The following VCP variants were observed in gnomAD, a reference collection of about 807,000 sequenced individuals.
VCP encodes valosin containing protein, also known as transitional endoplasmic reticulum ATPase.
In VCP, 6 loss-of-function variants were observed where a neutral mutation model predicts 85.7. The ratio of observed to expected loss-of-function variants is 0.07; its 90% CI spans 0.04 to 0.14. The LOEUF (loss-of-function observed/expected upper bound fraction) is 0.14, where lower values mean the gene tolerates loss of function less well. VCP is among the 10% of genes least tolerant of loss of function. The probability of loss-of-function intolerance (pLI) is 1.00; values close to 1 mark genes in which losing one functional copy is unlikely to be tolerated. For missense variants in VCP, 353 were observed against 1,043.4 expected (o/e 0.34, Z 9.12); for synonymous variants, 384 against 367.1 (o/e 1.05, Z -0.53).
In VCP at chr9:35,059,358, T is replaced by A. The variant is rs901153737; in HGVS notation, c.2004+135A>T. 9.8e-6 allele frequency: 15 copies of A among 1,527,972 alleles called. No individual in the cohort carries two copies. The highest frequency in any genetic ancestry group is 5.8e-5 in the Admixed American group (3 of 51,450). The allele number at this position is 1,527,972 out of a possible 1,614,324, so 94.7% of individuals were successfully genotyped here. A position where few individuals can be genotyped will look rare whatever the true frequency, so the allele number is the denominator to read the frequency against. ...TTTTATTCCTGATTCTAGATTATCT[T>A]GATATCCTCAAAAATTCTACCTTCC... On this transcript the variant is annotated intron_variant, in intron 14 of 16. Coordinates refer to ENST00000358901, the MANE Select transcript of VCP (RefSeq NM_007126.5). This position sits in a 1 kb window ranked among gnomAD's most constrained non-coding sequence, Gnocchi z 4.9.
chr9:35,066,474 G>A (rs1236549820), intron 4 of VCP, among the ~76,000 whole-genome samples: 6 of 151,178 alleles, frequency 4.0e-5, no homozygotes, highest in Non-Finnish European at 7.4e-5. Context: ...TGATCCACCC[G>A]CCTCAGCCTC....
chr9:35,057,433 C>T lies in VCP; in HGVS notation c.2258G>A (p.Arg753Gln), dbSNP rs1828632233. The T allele has an allele frequency of 6.2e-7, 1 of 1,614,244 alleles. No individual in the cohort carries two copies. The highest frequency in any genetic ancestry group is 8.5e-7 in the Non-Finnish European group (1 of 1,180,048). Residue 753 changes from arginine to glutamine, a missense_variant, in exon 16 of 17, where the codon CGG becomes CAG. Physicochemically the swap from Arg to Gln is conservative, Grantham distance 43. Transcript: ENST00000358901. Reference sequence around the variant, plus strand: ...GGTCTGGGCAAACATCTCATACTTCCGAATGTCATTGTCACTGACAGAACG... The same window carrying T: ...GGTCTGGGCAAACATCTCATACTTCTGAATGTCATTGTCACTGACAGAACG... Reference protein sequence around the residue: ...ARRSVSDNDIRKYEMFAQTLQ... With the variant: ...ARRSVSDNDIQKYEMFAQTLQ...
intron 4 of VCP, 87 bp downstream of exon 4, chr9:35,066,582 TAAAAAA>T: frequency 8.1e-7 from 1 of 1,230,118 alleles, no homozygotes; most frequent in Non-Finnish European, 1.1e-6. Context: ...ATAAAAGATT[TAAAAAA>T]AAAAAAAGAA....
At chr9:35,071,631 G>T in intron 1 of VCP, 1 of 882,146 alleles carries the variant, frequency 1.1e-6, no homozygotes, top group Non-Finnish European at 1.4e-6. Context: ...TAACATTAAG[G>T]AAAACTGGCT....
intron 5 of VCP, 102 bp downstream of exon 5, chr9:35,065,149 T>C (rs776726125): frequency 1.9e-6 from 3 of 1,564,982 alleles, no homozygotes; most frequent in Non-Finnish European, 2.6e-6. Flanking sequence ...ATTACAGGTG[T>C]CAGCCACCGC....
chr9:35,068,440 G>C, intron 1 of VCP, 78 bp from the exon 2 acceptor site: 2 of 1,270,894 alleles, frequency 1.6e-6, no homozygotes, highest in Admixed American at 1.7e-5. Context: ...ACTTAGGAAA[G>C]AAACAGTGAA....
rs1828674149 is a variant in VCP at position 35,059,293 on chromosome 9, G to C, written c.2005-74C>G. Reference sequence around the variant, plus strand: ...ATACGCAGATCTTTGGGCTACCCGAGCACTCCCAACTACAGTTTGCCCCTT... The same window carrying C: ...ATACGCAGATCTTTGGGCTACCCGACCACTCCCAACTACAGTTTGCCCCTT... On this transcript the variant is annotated intron_variant, in intron 14 of 16. Transcript: ENST00000358901. This position sits in a 1 kb window ranked among gnomAD's most constrained non-coding sequence, Gnocchi z 4.9. 1.3e-6 allele frequency: 2 copies of C among 1,598,618 alleles called. No individual in the cohort carries two copies. The highest frequency in any genetic ancestry group is 2.2e-5 in the South Asian group (2 of 89,316).
Position 35,072,472 on chromosome 9 carries a change from C to G in VCP, c.-119G>C. On this transcript the variant is annotated 5_prime_UTR_variant, in exon 1 of 17. Coordinates refer to ENST00000358901, the MANE Select transcript of VCP (RefSeq NM_007126.5). ...CCAGGCGGTGGGCGAGCAGCGGCGA[C>G]AAACCCGCAAGCGGCTTCCCTCTCG... 7.8e-7 allele frequency: 1 copy of G among 1,285,854 alleles called. No individual in the cohort carries two copies. The highest frequency in any genetic ancestry group is 1.8e-5 in the South Asian group (1 of 56,062). The allele number at this position is 1,285,854 out of a possible 1,614,324, so 79.7% of individuals were successfully genotyped here.
Position 35,059,903 on chromosome 9 carries a change from T to G in VCP, c.1696-102A>C. 6.8e-7 allele frequency: 1 copy of G among 1,475,284 alleles called. No individual in the cohort carries two copies. 91.4% of individuals were successfully genotyped at this position (1,475,284 alleles called of 1,614,324 possible). A position where few individuals can be genotyped will look rare whatever the true frequency, so the allele number is the denominator to read the frequency against. Reference sequence around the variant, plus strand: ...TTCCCAGCACTTTGGGAGGCCAAGGTGGGAGGATCACTTGAGGCCAGAAAT... The same window carrying G: ...TTCCCAGCACTTTGGGAGGCCAAGGGGGGAGGATCACTTGAGGCCAGAAAT... On this transcript the variant is annotated intron_variant, in intron 13 of 16. Coordinates refer to ENST00000358901, the MANE Select transcript of VCP (RefSeq NM_007126.5). The surrounding 1 kb of genome is among the most constrained non-coding windows in gnomAD (Gnocchi z 4.9).
chr9:35,072,201 G>A, intron 1 of VCP, 136 bp downstream of exon 1: 3 of 1,431,028 alleles, frequency 2.1e-6, no homozygotes, highest in South Asian at 1.3e-5. Context: ...CCCCTCACTC[G>A]CCCCCTAGCT....
Position 35,059,114 on chromosome 9 carries a change from C to T in VCP, c.2110G>A (p.Glu704Lys), listed in dbSNP as rs1323248315. 1.2e-6 allele frequency: 2 copies of T among 1,614,110 alleles called. No individual in the cohort carries two copies. The highest frequency in any genetic ancestry group is 1.7e-5 in the Admixed American group (1 of 60,014). ...TCTCGTTCTCGCCTAATCTCACTCT[C>T]GATGGATTCACGGATGGCCAGCTTG... ...ACKLAIRESI[E>K]SEIRRERERQ... The change falls in exon 15 of 17, where the codon GAG (glutamate) becomes AAG (lysine). Residue 704 changes from glutamate to lysine, a missense_variant. By Grantham distance (56) the Glu-to-Lys change is moderately conservative. Around this residue, in one of 8 missense-constraint regions of VCP, gnomAD observed 93 missense variants for 197.1 expected, o/e 0.47. Coordinates refer to ENST00000358901, the MANE Select transcript of VCP (RefSeq NM_007126.5). The surrounding 1 kb of genome is among the most constrained non-coding windows in gnomAD (Gnocchi z 4.9).
chr9:35,067,888 C>T lies in VCP; in HGVS notation c.302+3G>A, dbSNP rs768082857. On this transcript the variant is annotated splice_donor_region_variant and intron_variant, in intron 3 of 16. Coordinates refer to ENST00000358901, the MANE Select transcript of VCP (RefSeq NM_007126.5). ...CCTGTGAAGCCAAAAACCCCACACA[C>T]ACCTGATGACATCCCCTAGGCGTAC... The T allele has an allele frequency of 1.9e-6, 3 of 1,614,222 alleles. No homozygotes were observed. Among genetic ancestry groups the T allele is most frequent in the Non-Finnish European group, 1.7e-6 (2 of 1,180,052 alleles).
chr9:35,066,676 T>C lies in VCP; in HGVS notation c.444A>G (p.Lys148=), dbSNP rs1210078232. 1.2e-6 allele frequency: 2 copies of C among 1,614,120 alleles called. No homozygotes were observed. The highest frequency in any genetic ancestry group is 8.5e-7 in the Non-Finnish European group (1 of 1,180,026). The part of the protein sequence containing the change: ...YFLEAYRPIR[K]GDIFLVRGGM... The stretch of plus-strand genomic sequence containing the variant: ...CTTAAGCTCAGAATTAGCTCTCACC[T>C]TTCCGGATGGGTCGATACGCTTCCA... Residue 148 remains lysine (K), a splice_region_variant and synonymous_variant, in exon 4 of 17, where the codon AAA becomes AAG. Transcript: ENST00000358901.
chr9:35,071,634 AAC>A, intron 1 of VCP: 1 of 892,294 alleles, frequency 1.1e-6, no homozygotes, highest in Non-Finnish European at 1.3e-6. Context: ...CATTAAGGAA[AAC>A]TGGCTCAAAC....
chr9:35,061,231 G>A (rs1161845339), intron 10 of VCP, 52 bp from the exon 11 acceptor site: 1 of 1,610,552 alleles, frequency 6.2e-7, no homozygotes. Flanking sequence ...AGCTGCTGCA[G>A]GAGGCTCAGA....
In VCP at chr9:35,072,574, C is replaced by A. The variant is rs978444416; in HGVS notation, c.-221G>T. On this transcript the variant is annotated 5_prime_UTR_variant, in exon 1 of 17. Coordinates refer to ENST00000358901, the MANE Select transcript of VCP (RefSeq NM_007126.5). ...CGCGAGGTGGCAGTGGCAGTGGCAG[C>A]GGCAGCGGCAGCGACGACTCAAACG... The A allele has an allele frequency of 2.0e-6, 1 of 507,766 alleles. No individual in the cohort carries two copies. The highest frequency in any genetic ancestry group is 3.3e-6 in the Non-Finnish European group (1 of 301,868). The allele number at this position is 507,766 out of a possible 1,614,324, so 31.5% of individuals were successfully genotyped here.
Position 35,057,394 on chromosome 9 carries a change from C to T in VCP, c.2297G>A (p.Arg766Gln). ...AACTTACCTGAAGCTGCCAAAGCCC[C>T]GACTCTGCTGAAGGGTCTGGGCAAA... ...EMFAQTLQQS[R>Q]GFGSFRFPSG... The change falls in exon 16 of 17, where the codon CGG becomes CAG. Residue 766 changes from arginine (R) to glutamine (Q), a missense_variant. Around this residue, in one of 8 missense-constraint regions of VCP, gnomAD observed 93 missense variants for 197.1 expected, o/e 0.47. Transcript: ENST00000358901. 1.2e-6 allele frequency: 2 copies of T among 1,614,260 alleles called. No homozygotes were observed. Among genetic ancestry groups the T allele is most frequent in the East Asian group, 2.2e-5 (1 of 44,894 alleles).
Position 35,065,141 on chromosome 9 carries a change from T to C in VCP, c.576+110A>G. ...TCTCAGTCTCCCAAAGTACTGGGAT[T>C]ACAGGTGTCAGCCACCGCAGCCGGC... On this transcript the variant is annotated intron_variant, in intron 5 of 16. Transcript: ENST00000358901. The C allele has an allele frequency of 2.6e-6, 4 of 1,524,274 alleles. No individual in the cohort carries two copies. In the South Asian group the frequency reaches 4.6e-5, roughly 17 times the overall value. The allele number at this position is 1,524,274 out of a possible 1,614,324, so 94.4% of individuals were successfully genotyped here.
intron 4 of VCP, 129 bp from the exon 5 acceptor site, chr9:35,065,510 C>G (rs562574640): frequency 8.3e-7 from 1 of 1,198,598 alleles, no homozygotes; most frequent in East Asian, 2.5e-5. Context: ...TGCCCTACCT[C>G]TCCCCAACTC....
Sources: allele counts gnomAD v4.1 joint callset (sites outside exome capture counted in the v4.1 genomes callset), GRCh38; gene constraint gnomAD v4.1.1; regional missense constraint gnomAD v4.1.1; non-coding constraint Gnocchi (gnomAD v3.1); transcripts MANE v1.5; gene names NCBI Gene and HGNC (gene_info 2026-07-23, HGNC 2026-07-21).